Variants in ACOT8 observed in about 807,000 individuals in gnomAD.
The protein encoded by ACOT8 is acyl-coenzyme A thioesterase 8.
A neutral mutation model predicts 38.4 loss-of-function variants in ACOT8; 31 were observed. The ratio of observed to expected loss-of-function variants is 0.81; its 90% CI spans 0.61 to 1.09. The LOEUF (loss-of-function observed/expected upper bound fraction) is 1.09, where lower values mean the gene tolerates loss of function less well. Ranked by LOEUF, ACOT8 falls within the 50% of genes least tolerant of loss-of-function variation. The pLI is 0.00. For synonymous variants in ACOT8, 158 were observed against 170.3 expected (o/e 0.93, Z 0.56); for missense variants, 373 against 421.8 (o/e 0.88, Z 1.01).
intron 4 of ACOT8, 171 bp downstream of exon 4, chr20:45,844,078 GTCATCTCCACCTTC>G: frequency 2.2e-6 from 2 of 915,646 alleles, no homozygotes; most frequent in Non-Finnish European, 3.4e-6. Flanking sequence ...CGGGATTATA[GTCATCTCCACCTTC>G]TCCCCATGCA....
At chr20:45,855,407 A>C in intron 1 of ACOT8, 115 bp from the exon 2 acceptor site, 1 of 1,381,164 alleles carries the variant, frequency 7.2e-7, no homozygotes, top group South Asian at 1.3e-5. Flanking sequence ...GATCCTTTTG[A>C]GAATATGGTA....
intron 2 of ACOT8, 47 bp downstream of exon 2, chr20:45,855,112 C>G (rs201783716): frequency 6.2e-7 from 1 of 1,605,490 alleles, no homozygotes; most frequent in East Asian, 2.2e-5. Context: ...CCAGAAATGG[C>G]TGCTGGGCCA....
At position 45,841,775 on chromosome 20, in the gene ACOT8, C is replaced by G; in HGVS notation, c.*63G>C. Reference sequence around the variant, plus strand: ...TGAGGGCCAAAAGGGACTGTAACTCCTGTCTCAGGAATGGGGATAGATGGG... The same window carrying G: ...TGAGGGCCAAAAGGGACTGTAACTCGTGTCTCAGGAATGGGGATAGATGGG... On this transcript the variant is annotated 3_prime_UTR_variant, in exon 6 of 6. Transcript: ENST00000217455. 6.6e-7 allele frequency: 1 copy of G among 1,506,506 alleles called. No homozygotes were observed. Among genetic ancestry groups the G allele is most frequent in the Non-Finnish European group, 8.8e-7 (1 of 1,135,558 alleles). The allele number at this position is 1,506,506 out of a possible 1,614,324, so 93.3% of individuals were successfully genotyped here. A position where few individuals can be genotyped will look rare whatever the true frequency, so the allele number is the denominator to read the frequency against.
rs1214255576 is a variant in ACOT8, at chr20:45,843,535, G to A, written c.833C>T (p.Pro278Leu). Residue 278 changes from proline to leucine, a missense_variant, in exon 5 of 6, where the codon CCC becomes CTC. Transcript: ENST00000217455. ...DHWMLYECES[P>L]WAGGSRGLVH... The stretch of plus-strand genomic sequence containing the variant: ...CACGGCCCCACACTCACCGGCCCAG[G>A]GGCTCTCGCATTCATAGAGCATCCA... 3 of 1,609,272 alleles carry A rather than the reference G, an allele frequency of 1.9e-6. No homozygotes were observed. The highest frequency in any genetic ancestry group is 1.7e-5 in the Admixed American group (1 of 59,792).
chr20:45,855,408 G>A, intron 1 of ACOT8, 116 bp from the exon 2 acceptor site: 1 of 1,379,848 alleles, frequency 7.2e-7, no homozygotes, highest in Non-Finnish European at 9.9e-7. Flanking sequence ...ATCCTTTTGA[G>A]AATATGGTAA....
chr20:45,853,021 G>A (rs183942008), intron 2 of ACOT8, among the ~76,000 whole-genome samples: 11 of 152,238 alleles, frequency 7.2e-5, no homozygotes, highest in South Asian at 2.1e-4. Flanking sequence ...CGCCCGCCTC[G>A]GCTTCCCAAA....
rs1435606753 is a variant in ACOT8, at chr20:45,855,195, G to A, written c.226C>T (p.His76Tyr). 1 of 1,614,018 alleles carries A rather than the reference G, an allele frequency of 6.2e-7. No individual in the cohort carries two copies. The highest frequency in any genetic ancestry group is 8.5e-7 in the Non-Finnish European group (1 of 1,180,042). Residue 76 changes from histidine to tyrosine, a missense_variant, in exon 2 of 6, where the codon CAC becomes TAC. His to Tyr is a moderately conservative substitution (Grantham distance 83, BLOSUM62 2). Transcript: ENST00000217455. ...AAAKSVSEDV[H>Y]VHSLHCYFVR... ...AAGTAGCAGTGCAGGGAGTGCACGT[G>A]GACGTCTTCACTCACAGACTTGGCT...
chr20:45,853,117 G>A (rs1288247881), intron 2 of ACOT8, among the ~76,000 whole-genome samples: 1 of 152,178 alleles, frequency 6.6e-6, no homozygotes, highest in Non-Finnish European at 1.5e-5. Flanking sequence ...CTCATTTCAC[G>A]CTGCTCCTGG....
intron 4 of ACOT8, chr20:45,844,024 A>G: frequency 5.1e-6 from 4 of 782,844 alleles, no homozygotes; most frequent in South Asian, 4.8e-5. Context: ...CTGGACAACA[A>G]CCCCAGCGAG....
intron 3 of ACOT8, among the ~76,000 whole-genome samples, chr20:45,847,209 CAAAA>C (rs924197041): frequency 1.3e-5 from 2 of 151,604 alleles, no homozygotes; most frequent in African/African-American, 4.8e-5. Flanking sequence ...GACTCTGTCT[CAAAA>C]CAAACAAACA....
chr20:45,846,443 C>CA (rs1984690143), intron 3 of ACOT8, among the ~76,000 whole-genome samples: 1 of 152,106 alleles, frequency 6.6e-6, no homozygotes, highest in Non-Finnish European at 1.5e-5. Flanking sequence ...AGTACTGGCT[C>CA]AGAGTGGGAA....
chr20:45,842,546 G>C, intron 5 of ACOT8: 3 of 1,003,024 alleles, frequency 3.0e-6, no homozygotes, highest in Non-Finnish European at 3.6e-6. Context: ...AGGCCATGAG[G>C]TCTGGCCTCT....
rs370438820 is a variant in ACOT8 at position 45,855,262 on chromosome 20, C to T, written c.159G>A (p.Arg53=). Residue 53 remains arginine, a synonymous_variant, in exon 2 of 6, where the codon AGG becomes AGA. Coordinates refer to ENST00000217455, the MANE Select transcript of ACOT8 (RefSeq NM_005469.4). ...GGCCCACGATCTGACCACCAAACAG[C>T]CTCTTGGCCGGTACCCAGTAATGCC... ...RGRHYWVPAK[R]LFGGQIVGQA... is the part of the protein sequence containing the mutation. The T allele has an allele frequency of 2.5e-6, 4 of 1,614,146 alleles. No individual in the cohort carries two copies. The highest frequency in any genetic ancestry group is 1.7e-6 in the Non-Finnish European group (2 of 1,180,040).
At chr20:45,844,150 T>C (rs1190927326) in intron 4 of ACOT8, 113 bp downstream of exon 4, 2 of 1,424,648 alleles carry the variant, frequency 1.4e-6, no homozygotes, top group East Asian at 2.3e-5. Flanking sequence ...TTCCCCATCA[T>C]GCAGATAAGG....
At chr20:45,842,240 T>A in intron 5 of ACOT8, 1 of 1,443,696 alleles carries the variant, frequency 6.9e-7, no homozygotes. Flanking sequence ...CTTCATGAGC[T>A]TATTATGGAC....
chr20:45,841,979 T>C, intron 5 of ACOT8, 23 bp from the exon 6 acceptor site: 1 of 1,612,198 alleles, frequency 6.2e-7, no homozygotes, highest in Non-Finnish European at 8.5e-7. Context: ...TGAAGGGTGA[T>C]GATGGCCTGC....
At chr20:45,844,216 T>C (rs1984495646) in intron 4 of ACOT8, 47 bp downstream of exon 4, 2 of 1,612,492 alleles carry the variant, frequency 1.2e-6, no homozygotes, top group African/African-American at 2.7e-5. Context: ...AAATGAGTGG[T>C]AGACCCCTTG....
intron 2 of ACOT8, 200 bp from the exon 3 acceptor site, chr20:45,848,875 A>T (rs1708640835): frequency 2.1e-6 from 1 of 473,668 alleles, no homozygotes; most frequent in East Asian, 3.2e-5. Context: ...GCTTTTCTCT[A>T]ACAGCACAAA....
intron 2 of ACOT8, among the ~76,000 whole-genome samples, chr20:45,851,278 A>T (rs1365641761): frequency 6.6e-6 from 1 of 152,226 alleles, no homozygotes; most frequent in Non-Finnish European, 1.5e-5. Flanking sequence ...GGGCTTACCA[A>T]GAGTCCAGAC....
Sources: gnomAD v4.1 joint callset for allele counts (sites outside exome capture counted in the v4.1 genomes callset) on GRCh38, gnomAD v4.1.1 for gene constraint, MANE v1.5 for transcripts, NCBI Gene and HGNC (gene_info 2026-07-23, HGNC 2026-07-21) for gene names.